Variants in RALYL observed in about 807,000 individuals in gnomAD.
RALYL encodes RALY RNA binding protein like.
In RALYL, 29 loss-of-function variants were observed where a neutral mutation model predicts 35.1. That is an observed-to-expected ratio of 0.83 (90% CI 0.61 to 1.13). RALYL has a LOEUF of 1.13. Ranked by LOEUF, RALYL falls within the 50% of genes most tolerant of loss-of-function variation. RALYL has a pLI of 0.00. For synonymous variants in RALYL, 120 were observed against 127.6 expected, an observed-to-expected ratio of 0.94 and a Z score of 0.40; for missense variants, 359 against 360.4, an observed-to-expected ratio of 1.00 and a Z score of 0.03.
intron 2 of RALYL, among the ~76,000 whole-genome samples, chr8:84,707,931 G>T (rs766824227): frequency 2.0e-5 from 3 of 151,962 alleles, no homozygotes; most frequent in Non-Finnish European, 4.4e-5. Flanking sequence ...TCTTTTATGC[G>T]TGGGTTTTTG....
At chr8:84,746,253 A>G (rs2133131151) in intron 2 of RALYL, among the ~76,000 whole-genome samples, 2 of 152,182 alleles carry the variant, frequency 1.3e-5, no homozygotes, top group South Asian at 4.1e-4. Context: ...TATTAGCTCT[A>G]TCACATATAC....
intron 1 of RALYL, among the ~76,000 whole-genome samples, chr8:84,256,199 G>C (rs537312250): frequency 1.3e-4 from 20 of 152,018 alleles, no homozygotes; most frequent in African/African-American, 4.8e-4. Flanking sequence ...TTCTAGTTTT[G>C]AGTCTTAATA....
chr8:84,741,077 G>A (rs1403193923), intron 2 of RALYL, among the ~76,000 whole-genome samples: 1 of 151,896 alleles, frequency 6.6e-6, no homozygotes, highest in East Asian at 1.9e-4. Flanking sequence ...GGTTTATCAG[G>A]CCCCAGTCCC....
At chr8:84,335,037 C>A (rs1258747107) in intron 1 of RALYL, among the ~76,000 whole-genome samples, 1 of 152,108 alleles carries the variant, frequency 6.6e-6, no homozygotes. Flanking sequence ...TGTCGACTAA[C>A]TCTTGTTTCT....
chr8:84,590,383 TATCTC>T (rs1304254646), intron 2 of RALYL, among the ~76,000 whole-genome samples: 1 of 152,244 alleles, frequency 6.6e-6, no homozygotes, highest in African/African-American at 2.4e-5. Flanking sequence ...GATTCAGAAT[TATCTC>T]AACAGTGTGT....
chr8:84,688,967 T>A (rs1015672969), intron 2 of RALYL, among the ~76,000 whole-genome samples: 5 of 151,554 alleles, frequency 3.3e-5, no homozygotes, highest in Non-Finnish European at 5.9e-5. Flanking sequence ...CGAAAAAAAA[T>A]TTCAACATCG....
At chr8:84,319,288 T>C (rs1489479874) in intron 1 of RALYL, among the ~76,000 whole-genome samples, 3 of 152,134 alleles carry the variant, frequency 2.0e-5, no homozygotes, top group African/African-American at 7.2e-5. Context: ...CTAGAAAGCA[T>C]TTATTAATGT....
chr8:84,484,507 G>T (rs16912908), intron 1 of RALYL, among the ~76,000 whole-genome samples: 9,676 of 152,104 alleles, frequency 0.064, 319 homozygotes, highest in East Asian at 0.14. Flanking sequence ...AAGCAGGAAG[G>T]TGTGAAATGT....
chr8:84,454,962 T>A (rs1425913963), intron 1 of RALYL, among the ~76,000 whole-genome samples: 2 of 152,084 alleles, frequency 1.3e-5, no homozygotes, highest in African/African-American at 4.8e-5. Context: ...AAAGACTATA[T>A]CAATGCGTAA....
At chr8:84,820,617 T>C (rs1474507863) in intron 4 of RALYL, among the ~76,000 whole-genome samples, 1 of 152,150 alleles carries the variant, frequency 6.6e-6, no homozygotes, top group Non-Finnish European at 1.5e-5. Flanking sequence ...ACATGTGCGA[T>C]GATAGTTTGC....
At chr8:84,220,916 A>G (rs994849003) in intron 1 of RALYL, among the ~76,000 whole-genome samples, 1 of 151,974 alleles carries the variant, frequency 6.6e-6, no homozygotes, top group African/African-American at 2.4e-5. Flanking sequence ...TCACCAAACT[A>G]TAAATCATTA....
At chr8:84,804,272 T>C (rs891708805) in intron 3 of RALYL, among the ~76,000 whole-genome samples, 2 of 152,150 alleles carry the variant, frequency 1.3e-5, no homozygotes, top group Non-Finnish European at 2.9e-5. Flanking sequence ...AGGACCCAAA[T>C]TTGTGAGCTG....
intron 2 of RALYL, chr8:84,665,949 G>T (rs561115916): frequency 6.6e-6 from 1 of 151,872 alleles, no homozygotes; most frequent in African/African-American, 2.4e-5. Flanking sequence ...AAAAAAATCT[G>T]TCAACAAAGA....
At chr8:84,767,536 A>T (rs1395927599) in intron 2 of RALYL, among the ~76,000 whole-genome samples, 1 of 152,118 alleles carries the variant, frequency 6.6e-6, no homozygotes, top group African/African-American at 2.4e-5. Flanking sequence ...TCAGAATGAG[A>T]TGGGTCTATT....
chr8:84,492,817 C>G (rs2055495668), intron 1 of RALYL, among the ~76,000 whole-genome samples: 1 of 151,970 alleles, frequency 6.6e-6, no homozygotes, highest in African/African-American at 2.4e-5. Flanking sequence ...TGTATTTGTC[C>G]TTTAATAAAT....
intron 1 of RALYL, among the ~76,000 whole-genome samples, chr8:84,437,037 G>A (rs1365060135): frequency 6.6e-6 from 1 of 151,974 alleles, no homozygotes; most frequent in African/African-American, 2.4e-5. Flanking sequence ...TTACCCCCTT[G>A]TAGTAGTCCC....
intron 2 of RALYL, among the ~76,000 whole-genome samples, chr8:84,682,777 T>C (rs1033912833): frequency 2.6e-5 from 4 of 152,062 alleles, no homozygotes; most frequent in African/African-American, 7.2e-5. Context: ...TTTGTTGATC[T>C]TTTCAAAAAA....
intron 1 of RALYL, among the ~76,000 whole-genome samples, chr8:84,297,469 A>G (rs1839977415): frequency 6.6e-6 from 1 of 152,064 alleles, no homozygotes. Context: ...ATGGGCATTA[A>G]GGTTGATTCT....
intron 2 of RALYL, among the ~76,000 whole-genome samples, chr8:84,535,015 T>C (rs192038098): frequency 6.6e-6 from 1 of 152,332 alleles, no homozygotes. Flanking sequence ...ATGAAAAACT[T>C]CCTACACATT....
Sources: allele counts gnomAD v4.1 joint callset (sites outside exome capture counted in the v4.1 genomes callset), GRCh38; gene constraint gnomAD v4.1.1; transcripts MANE v1.5; gene names NCBI Gene and HGNC (gene_info 2026-07-23, HGNC 2026-07-21).